The following FARP1 variants were observed in gnomAD, a reference collection of about 807,000 sequenced individuals.
The protein encoded by FARP1 is FERM, ARHGEF and pleckstrin domain-containing protein 1.
FARP1 carries 52 observed loss-of-function variants against 128.8 expected under a neutral mutation model. The ratio of observed to expected loss-of-function variants is 0.40; its 90% CI spans 0.32 to 0.51. The LOEUF (loss-of-function observed/expected upper bound fraction) is 0.51, where lower values mean the gene tolerates loss of function less well. Ranked by LOEUF, FARP1 falls within the 20% of genes least tolerant of loss-of-function variation. FARP1 has a pLI of 0.45. For synonymous variants in FARP1, 580 were observed against 551.8 expected, an observed-to-expected ratio of 1.05 and a Z score of -0.72; for missense variants, 1,333 against 1,367.9, an observed-to-expected ratio of 0.97 and a Z score of 0.40.
intron 2 of FARP1, among the ~76,000 whole-genome samples, chr13:98,277,676 C>T (rs372068060): frequency 6.6e-6 from 1 of 152,136 alleles, no homozygotes; most frequent in South Asian, 2.1e-4. Context: ...TTAGAGTCAG[C>T]CGAGTGAGTC....
chr13:98,346,423 C>T, intron 3 of FARP1, among the ~76,000 whole-genome samples: 1 of 151,008 alleles, frequency 6.6e-6, no homozygotes, highest in Non-Finnish European at 1.5e-5. Context: ...CTCCTGACCT[C>T]AGGTGATCCG....
intron 2 of FARP1, chr13:98,329,751 C>T (rs1566885298): frequency 6.6e-6 from 1 of 152,114 alleles, no homozygotes; most frequent in South Asian, 2.1e-4. Context: ...TATGGTCTCT[C>T]CATGGGAATT....
At chr13:98,210,551 A>G (rs910327620) in intron 1 of FARP1, among the ~76,000 whole-genome samples, 1 of 137,476 alleles carries the variant, frequency 7.3e-6, no homozygotes, top group African/African-American at 2.6e-5. Context: ...TCGTTTTTCT[A>G]TCTTTTCTTT....
At chr13:98,264,386 C>T (rs762225370) in intron 2 of FARP1, among the ~76,000 whole-genome samples, 4 of 152,206 alleles carry the variant, frequency 2.6e-5, no homozygotes, top group Non-Finnish European at 4.4e-5. Flanking sequence ...CATCTCACTT[C>T]GTCCCGCCAG....
intron 2 of FARP1, among the ~76,000 whole-genome samples, chr13:98,255,738 T>C (rs1283572662): frequency 2.0e-5 from 3 of 152,258 alleles, no homozygotes; most frequent in East Asian, 1.9e-4. Context: ...CCTTCAACTT[T>C]CTTAATAAAA....
chr13:98,300,508 A>G (rs894174732), intron 2 of FARP1, among the ~76,000 whole-genome samples: 3 of 152,212 alleles, frequency 2.0e-5, no homozygotes, highest in Non-Finnish European at 4.4e-5. Flanking sequence ...GGAAAATGTT[A>G]CATTATATAA....
intron 2 of FARP1, among the ~76,000 whole-genome samples, chr13:98,305,114 ATATAT>A (rs144864565): frequency 0.54 from 66,373 of 123,456 alleles, 15,008 homozygotes; most frequent in East Asian, 0.76. Context: ...GTATATATAT[ATATAT>A]TTTTTAATTT....
intron 1 of FARP1, among the ~76,000 whole-genome samples, chr13:98,175,280 T>C (rs1877923552): frequency 1.3e-5 from 2 of 152,196 alleles, no homozygotes; most frequent in African/African-American, 4.8e-5. Flanking sequence ...CGTGGATCTG[T>C]TGGTGTTTGT....
rs1182969553 is a variant in FARP1 at position 98,197,576 on chromosome 13, G to GA, written c.-23-15642dup. On this transcript the variant is annotated intron_variant, in intron 1 of 26. Transcript: ENST00000319562. ...ATGTATTTCTTAAGTATCATTTTCA[G>GA]AATGTCCAAAACTTCAGCAGAAAAT... Among the ~76,000 whole-genome samples, 4 of 152,238 alleles carry GA rather than the reference G, an allele frequency of 2.6e-5. No homozygotes were observed. The East Asian group carries it at 7.7e-4, about 29-fold the overall frequency.
chr13:98,441,077 C>T (rs759777314), intron 24 of FARP1, among the ~76,000 whole-genome samples: 9 of 152,228 alleles, frequency 5.9e-5, no homozygotes, highest in Non-Finnish European at 1.2e-4. Flanking sequence ...CCTTGGTGCT[C>T]ATCAGTCCTA....
At chr13:98,432,965 C>G (rs555969620) in intron 18 of FARP1, 1 of 152,190 alleles carries the variant, frequency 6.6e-6, no homozygotes, top group Non-Finnish European at 1.5e-5. Context: ...TTGGGGGGAT[C>G]TCGAAGGGAA....
chr13:98,211,457 A>G (rs977166326), intron 1 of FARP1, among the ~76,000 whole-genome samples: 2 of 152,202 alleles, frequency 1.3e-5, no homozygotes, highest in Admixed American at 6.5e-5. Flanking sequence ...GTCTGTGGAA[A>G]AACTGTCTTC....
intron 2 of FARP1, among the ~76,000 whole-genome samples, chr13:98,318,296 A>G (rs1886831263): frequency 6.6e-6 from 1 of 151,834 alleles, no homozygotes; most frequent in Admixed American, 6.6e-5. Flanking sequence ...TGAGCTTGCA[A>G]CCTGCACACA....
At chr13:98,419,093 C>G (rs1447591892) in intron 16 of FARP1, among the ~76,000 whole-genome samples, 1 of 152,190 alleles carries the variant, frequency 6.6e-6, no homozygotes, top group East Asian at 1.9e-4. Context: ...GTCATCTTGA[C>G]AAGTGGGCAT....
chr13:98,370,999 T>A (rs1889301607), intron 5 of FARP1, among the ~76,000 whole-genome samples: 1 of 152,138 alleles, frequency 6.6e-6, no homozygotes, highest in Non-Finnish European at 1.5e-5. Context: ...TGCTGGGTCT[T>A]GGTTTCTCAG....
At chr13:98,313,727 C>T (rs778193747) in intron 2 of FARP1, among the ~76,000 whole-genome samples, 31 of 152,254 alleles carry the variant, frequency 2.0e-4, no homozygotes, top group Admixed American at 1.2e-3. Flanking sequence ...ATGAGTCTAT[C>T]GTCATTCCTT....
At chr13:98,438,352 CTCTT>C (rs890020828) in intron 19 of FARP1, among the ~76,000 whole-genome samples, 6 of 152,252 alleles carry the variant, frequency 3.9e-5, no homozygotes, top group Non-Finnish European at 8.8e-5. Flanking sequence ...TTTTTATAGC[CTCTT>C]TCTTCTTTGA....
chr13:98,181,968 G>A lies in FARP1; in HGVS notation c.-23-31252G>A, dbSNP rs532158310. 9.2e-5 allele frequency among the ~76,000 whole-genome samples: 14 copies of A among 152,084 alleles called. 1 individual carries two copies. Among genetic ancestry groups the A allele is most frequent in the East Asian group, 3.9e-4 (2 of 5,186 alleles). On this transcript the variant is annotated intron_variant, in intron 1 of 26. Coordinates refer to ENST00000319562, the MANE Select transcript of FARP1 (RefSeq NM_005766.4). ...TGACTTCATTGCAAGAGAGATTAGCGCTATCTTTTAGAAACTAAATTTATG... is the reference window on the plus strand; with the variant it reads ...TGACTTCATTGCAAGAGAGATTAGCACTATCTTTTAGAAACTAAATTTATG...
intron 1 of FARP1, among the ~76,000 whole-genome samples, chr13:98,183,495 TG>T (rs1878662014): frequency 6.6e-6 from 1 of 152,210 alleles, no homozygotes; most frequent in Non-Finnish European, 1.5e-5. Context: ...TTCCTGGGCA[TG>T]GGACCTCTGC....
Sources: gnomAD v4.1 joint callset for allele counts (sites outside exome capture counted in the v4.1 genomes callset) on GRCh38, gnomAD v4.1.1 for gene constraint, MANE v1.5 for transcripts, NCBI Gene and HGNC (gene_info 2026-07-23, HGNC 2026-07-21) for gene names.